Variants in EIF2AK3 observed in about 807,000 individuals in gnomAD.
The protein encoded by EIF2AK3 is eukaryotic translation initiation factor 2 alpha kinase 3.
In EIF2AK3, 50 loss-of-function variants were observed where a neutral mutation model predicts 113.5. The ratio of observed to expected loss-of-function variants is 0.44; its 90% CI spans 0.35 to 0.56. The LOEUF is 0.56. Ranked by LOEUF, EIF2AK3 falls within the 20% of genes least tolerant of loss-of-function variation. The pLI is 0.00. For synonymous variants in EIF2AK3, 448 were observed against 495.4 expected, an observed-to-expected ratio of 0.90 and a Z score of 1.27; for missense variants, 1,185 against 1,378.0, an observed-to-expected ratio of 0.86 and a Z score of 2.22.
intron 2 of EIF2AK3, among the ~76,000 whole-genome samples, chr2:88,601,036 A>G (rs1196733146): frequency 6.6e-6 from 1 of 152,212 alleles, no homozygotes; most frequent in African/African-American, 2.4e-5. Context: ...CAACTGTTTC[A>G]TCTATCTCCA....
intron 2 of EIF2AK3, among the ~76,000 whole-genome samples, chr2:88,611,670 G>C (rs566499492): frequency 6.6e-6 from 1 of 152,072 alleles, no homozygotes; most frequent in Non-Finnish European, 1.5e-5. Flanking sequence ...TTGCACTGTC[G>C]CCTGGGCTGG....
At chr2:88,616,127 T>G (rs1176154722) in intron 1 of EIF2AK3, among the ~76,000 whole-genome samples, 1 of 152,318 alleles carries the variant, frequency 6.6e-6, no homozygotes, top group East Asian at 1.9e-4. Context: ...ACATGTAATT[T>G]TTTTGGTGAT....
intron 14 of EIF2AK3, among the ~76,000 whole-genome samples, chr2:88,564,021 A>T (rs1256672408): frequency 6.6e-6 from 1 of 152,180 alleles, no homozygotes; most frequent in Non-Finnish European, 1.5e-5. Context: ...ACGTGATTAA[A>T]CATATTTAAA....
intron 14 of EIF2AK3, among the ~76,000 whole-genome samples, chr2:88,569,396 A>C (rs914967747): frequency 1.3e-5 from 2 of 152,076 alleles, no homozygotes; most frequent in Non-Finnish European, 2.9e-5. Context: ...CAATGTGAGA[A>C]TGGCATTTCA....
intron 15 of EIF2AK3, among the ~76,000 whole-genome samples, chr2:88,562,047 A>G (rs936219759): frequency 2.5e-4 from 38 of 152,216 alleles, no homozygotes. Context: ...ACATTGTTAA[A>G]TTATGATGAA....
intron 10 of EIF2AK3, among the ~76,000 whole-genome samples, chr2:88,581,171 C>T (rs1417201569): frequency 1.3e-5 from 2 of 148,982 alleles, no homozygotes; most frequent in East Asian, 2.0e-4. Flanking sequence ...AGGACATTGT[C>T]GCCACTAAAA....
chr2:88,594,732 C>A (rs533941095), intron 3 of EIF2AK3, among the ~76,000 whole-genome samples: 14 of 150,146 alleles, frequency 9.3e-5, no homozygotes, highest in African/African-American at 2.7e-4. Flanking sequence ...TCTTGGATCA[C>A]CTTATTATAG....
chr2:88,574,736 T>C lies in EIF2AK3; in HGVS notation c.2747A>G (p.His916Arg), dbSNP rs1674407682. 2 of 1,614,070 alleles carry C rather than the reference T, an allele frequency of 1.2e-6. No individual in the cohort carries two copies. Among genetic ancestry groups the C allele is most frequent in the Admixed American group, 1.7e-5 (1 of 60,002 alleles). Residue 916 changes from histidine to arginine, a missense_variant, in exon 13 of 17, where the codon CAC becomes CGC. Physicochemically the swap from His to Arg is conservative, Grantham distance 29 (BLOSUM62 0). Coordinates refer to ENST00000303236, the MANE Select transcript of EIF2AK3 (RefSeq NM_004836.7). Reference sequence around the variant, plus strand: ...TGCCTCTGCGATCTGCAGGAAGATGTGCAGACACACGCTCCTCTCTCTCTC... The same window carrying C: ...TGCCTCTGCGATCTGCAGGAAGATGCGCAGACACACGCTCCTCTCTCTCTC... ...IEERERSVCL[H>R]IFLQIAEAVE...
chr2:88,626,835 C>T, intron 1 of EIF2AK3, 132 bp downstream of exon 1: 2 of 1,265,294 alleles, frequency 1.6e-6, no homozygotes, highest in Non-Finnish European at 2.1e-6. Flanking sequence ...CGCTCGTCCC[C>T]AGGTCGCCAG....
Position 88,595,680 on chromosome 2 carries a change from C to CTT in EIF2AK3, c.439-19_439-18dup. ...CCCAAATACCTAAAACAGAAGCTAACTTTTTAAAAGGGCCATAACATTAAT... is the reference window on the plus strand; with the variant it reads ...CCCAAATACCTAAAACAGAAGCTAACTTTTTTTAAAAGGGCCATAACATTAAT... On this transcript the variant is annotated splice_polypyrimidine_tract_variant and intron_variant, in intron 2 of 16. Transcript: ENST00000303236. 1 of 1,611,270 alleles carries CTT rather than the reference C, an allele frequency of 6.2e-7. No individual in the cohort carries two copies.
At chr2:88,558,233 G>A (rs974092831) in intron 16 of EIF2AK3, among the ~76,000 whole-genome samples, 1 of 152,030 alleles carries the variant, frequency 6.6e-6, no homozygotes, top group African/African-American at 2.4e-5. Context: ...AAAAAAACAT[G>A]GACAATTTTT....
chr2:88,592,417 T>G (rs1674910556), intron 4 of EIF2AK3, among the ~76,000 whole-genome samples: 1 of 152,192 alleles, frequency 6.6e-6, no homozygotes, highest in Non-Finnish European at 1.5e-5. Context: ...ACATCAATTT[T>G]GTCTTAACAT....
At chr2:88,619,349 C>A (rs1438434396) in intron 1 of EIF2AK3, among the ~76,000 whole-genome samples, 3 of 152,252 alleles carry the variant, frequency 2.0e-5, no homozygotes, top group Non-Finnish European at 4.4e-5. Flanking sequence ...GTTTGTACTA[C>A]ATGTTCTACC....
chr2:88,625,047 C>T (rs777159541), intron 1 of EIF2AK3: 1 of 152,266 alleles, frequency 6.6e-6, no homozygotes, highest in Non-Finnish European at 1.5e-5. Context: ...CTCTACCCAA[C>T]ATTTCTCAAA....
intron 2 of EIF2AK3, among the ~76,000 whole-genome samples, chr2:88,610,783 G>A (rs775688763): frequency 8.6e-5 from 13 of 151,980 alleles, no homozygotes; most frequent in Non-Finnish European, 1.6e-4. Flanking sequence ...TAGGCTGGTC[G>A]TGGTGGCTTA....
intron 2 of EIF2AK3, among the ~76,000 whole-genome samples, chr2:88,607,977 G>A (rs943252985): frequency 2.0e-5 from 3 of 152,176 alleles, no homozygotes; most frequent in African/African-American, 7.2e-5. Flanking sequence ...AGTTCACACA[G>A]TAAGTTAATG....
intron 2 of EIF2AK3, among the ~76,000 whole-genome samples, chr2:88,601,119 C>T (rs1675138529): frequency 6.6e-6 from 1 of 152,170 alleles, no homozygotes; most frequent in Non-Finnish European, 1.5e-5. Context: ...TCTCAAAGAT[C>T]TACTTTATGA....
At position 88,593,788 on chromosome 2, in the gene EIF2AK3, G is replaced by C. The variant is rs73954006; in HGVS notation, c.634-383C>G. On this transcript the variant is annotated intron_variant, in intron 3 of 16. Coordinates refer to ENST00000303236, the MANE Select transcript of EIF2AK3 (RefSeq NM_004836.7). ...GAGTTTCTGTATAACAAAAGTGTTTGGTTTTTAAAAATTTGAAACTTTTCT... is the reference window on the plus strand; with the variant it reads ...GAGTTTCTGTATAACAAAAGTGTTTCGTTTTTAAAAATTTGAAACTTTTCT... 1,201 of 536,956 alleles carry C rather than the reference G, an allele frequency of 2.2e-3. 11 individuals are homozygous for C. The African/African-American group carries it at 0.024, about 11-fold the overall frequency. The allele number at this position is 536,956 out of a possible 1,614,324, so 33.3% of individuals were successfully genotyped here.
intron 13 of EIF2AK3, chr2:88,574,413 A>G (rs1206057650): frequency 5.5e-6 from 3 of 549,474 alleles, no homozygotes; most frequent in African/African-American, 3.8e-5. Context: ...TGGACTACTG[A>G]GAATACCTTT....
Sources: allele counts gnomAD v4.1 joint callset (sites outside exome capture counted in the v4.1 genomes callset), GRCh38; gene constraint gnomAD v4.1.1; transcripts MANE v1.5; gene names NCBI Gene and HGNC (gene_info 2026-07-23, HGNC 2026-07-21).